Variants in FAM135B observed in about 807,000 individuals in gnomAD.
FAM135B encodes family with sequence similarity 135 member B, also known as protein FAM135B.
FAM135B carries 43 observed loss-of-function variants against 127.7 expected under a neutral mutation model. The observed-to-expected ratio is 0.34, with a 90% CI of 0.26 to 0.43. FAM135B has a LOEUF of 0.43. Ranked by LOEUF, FAM135B falls within the 20% of genes least tolerant of loss-of-function variation. The pLI is 1.00. For missense variants in FAM135B, 1,558 were observed against 1,725.6 expected, an observed-to-expected ratio of 0.90 and a Z score of 1.72; for synonymous variants, 670 against 665.1, an observed-to-expected ratio of 1.01 and a Z score of -0.11.
intron 9 of FAM135B, among the ~76,000 whole-genome samples, chr8:138,190,482 G>A (rs571140634): frequency 1.2e-3 from 188 of 152,228 alleles, no homozygotes; most frequent in African/African-American, 3.7e-3. Context: ...CAGACAGCAG[G>A]CCCTTGAAAG....
chr8:138,402,338 C>A (rs1420132996), intron 1 of FAM135B, among the ~76,000 whole-genome samples: 1 of 152,154 alleles, frequency 6.6e-6, no homozygotes, highest in East Asian at 1.9e-4. Flanking sequence ...ATAGAATCCA[C>A]ATTCAAGAAG....
intron 7 of FAM135B, among the ~76,000 whole-genome samples, chr8:138,239,507 G>T (rs1186409970): frequency 1.3e-5 from 2 of 152,016 alleles, no homozygotes; most frequent in Admixed American, 1.3e-4. Flanking sequence ...TCTGTAGGTT[G>T]CCTGTTCACT....
intron 11 of FAM135B, among the ~76,000 whole-genome samples, chr8:138,170,927 G>A (rs988671189): frequency 1.3e-5 from 2 of 152,154 alleles, no homozygotes; most frequent in Non-Finnish European, 2.9e-5. Context: ...GGTCTGGAAT[G>A]CTCTTCCCCT....
chr8:138,166,180 T>C (rs7823500), intron 12 of FAM135B, among the ~76,000 whole-genome samples: 2,935 of 152,274 alleles, frequency 0.019, 90 homozygotes, highest in African/African-American at 0.066. Flanking sequence ...TGTGAGGTTG[T>C]TTATAGGATT....
chr8:138,353,026 A>C (rs947728034), intron 2 of FAM135B, among the ~76,000 whole-genome samples: 4 of 152,162 alleles, frequency 2.6e-5, no homozygotes, highest in African/African-American at 7.2e-5. Flanking sequence ...TCCCTGCTAC[A>C]ATCTGCTCTT....
chr8:138,268,791 T>C (rs544248150), intron 3 of FAM135B, among the ~76,000 whole-genome samples: 36 of 152,336 alleles, frequency 2.4e-4, no homozygotes, highest in Non-Finnish European at 3.2e-4. Flanking sequence ...CTTTTCATTT[T>C]AGAGTATTTT....
intron 7 of FAM135B, among the ~76,000 whole-genome samples, chr8:138,212,131 C>G (rs1025555279): frequency 3.3e-5 from 5 of 152,086 alleles, no homozygotes; most frequent in Admixed American, 2.0e-4. Flanking sequence ...TGGTGAGGAG[C>G]AACTAGGGCA....
intron 1 of FAM135B, among the ~76,000 whole-genome samples, chr8:138,380,384 G>T (rs1375372905): frequency 1.3e-5 from 2 of 151,970 alleles, no homozygotes; most frequent in African/African-American, 4.8e-5. Flanking sequence ...AGTGGAGATG[G>T]GGTTTTGCCA....
chr8:138,295,312 T>C (rs1249294867), intron 3 of FAM135B, among the ~76,000 whole-genome samples: 1 of 151,874 alleles, frequency 6.6e-6, no homozygotes, highest in Non-Finnish European at 1.5e-5. Context: ...TCTCGGTGAC[T>C]TTGACATTGA....
At position 138,152,420 on chromosome 8, in the gene FAM135B, A is replaced by G. The variant is rs1349239516; in HGVS notation, c.2055T>C (p.Asp685=). The change falls in exon 13 of 20, where the codon GAT becomes GAC. Residue 685 remains aspartate (D), a synonymous_variant. Coordinates refer to ENST00000395297, the MANE Select transcript of FAM135B (RefSeq NM_015912.4). Reference sequence around the variant, plus strand: ...AGCTTGGCTCACTCTCAATGCCTGAATCAGATATGATGGATGAAGATCTCT... The same window carrying G: ...AGCTTGGCTCACTCTCAATGCCTGAGTCAGATATGATGGATGAAGATCTCT... ...VIKRSSSIIS[D]SGIESEPSSV... The G allele has an allele frequency of 1.2e-6, 2 of 1,614,182 alleles. No individual in the cohort carries two copies. The highest frequency in any genetic ancestry group is 1.3e-5 in the African/African-American group (1 of 75,060).
chr8:138,351,682 TC>T (rs370829954), intron 2 of FAM135B, among the ~76,000 whole-genome samples: 1 of 145,632 alleles, frequency 6.9e-6, no homozygotes, highest in Non-Finnish European at 1.5e-5. Flanking sequence ...TTAGGGCAGA[TC>T]TTTTTTTTTT....
chr8:138,200,530 C>T (rs545815265), intron 7 of FAM135B, among the ~76,000 whole-genome samples: 13 of 152,160 alleles, frequency 8.5e-5, no homozygotes, highest in East Asian at 5.8e-4. Flanking sequence ...CATGAAAGGC[C>T]GATACTCTTA....
intron 1 of FAM135B, among the ~76,000 whole-genome samples, chr8:138,487,724 A>G (rs2131691357): frequency 6.6e-6 from 1 of 152,212 alleles, no homozygotes; most frequent in East Asian, 1.9e-4. Context: ...CTTGTCAGCC[A>G]GGCACAGGGG....
chr8:138,181,521 G>T (rs762086368), intron 9 of FAM135B, among the ~76,000 whole-genome samples: 1 of 152,010 alleles, frequency 6.6e-6, no homozygotes, highest in Admixed American at 6.6e-5. Context: ...GCTGGCAGTG[G>T]GCTGCACACA....
intron 1 of FAM135B, among the ~76,000 whole-genome samples, chr8:138,370,286 T>C (rs760812148): frequency 6.6e-6 from 1 of 152,150 alleles, no homozygotes; most frequent in Non-Finnish European, 1.5e-5. Flanking sequence ...ACCATGCTGT[T>C]GTTCAGGATG....
chr8:138,148,827 G>T, intron 13 of FAM135B, 141 bp from the exon 14 acceptor site: 1 of 579,178 alleles, frequency 1.7e-6, no homozygotes, highest in Non-Finnish European at 3.0e-6. Context: ...AGCCCCCAGG[G>T]AACATGCTAG....
intron 1 of FAM135B, chr8:138,438,105 C>G (rs963630799): frequency 6.6e-6 from 1 of 152,088 alleles, no homozygotes; most frequent in Admixed American, 6.5e-5. Context: ...TTTAATTAAC[C>G]TAAAAGGTTT....
At chr8:138,293,014 A>C (rs1292216062) in intron 3 of FAM135B, among the ~76,000 whole-genome samples, 1 of 152,182 alleles carries the variant, frequency 6.6e-6, no homozygotes, top group Non-Finnish European at 1.5e-5. Context: ...CTACAAGTCT[A>C]TAGTTCCAAA....
At chr8:138,386,089 A>T (rs754914278) in intron 1 of FAM135B, among the ~76,000 whole-genome samples, 8 of 151,016 alleles carry the variant, frequency 5.3e-5, no homozygotes, top group Non-Finnish European at 8.9e-5. Context: ...GGTGGTGCGC[A>T]CCTGTAATCT....
Sources: allele counts gnomAD v4.1 joint callset (sites outside exome capture counted in the v4.1 genomes callset), GRCh38; gene constraint gnomAD v4.1.1; transcripts MANE v1.5; gene names NCBI Gene and HGNC (gene_info 2026-07-23, HGNC 2026-07-21).